The following NALF1 variants were observed in gnomAD, a reference collection of about 807,000 sequenced individuals.
NALF1 encodes family with sequence similarity 155 member A.
A neutral mutation model predicts 48.4 loss-of-function variants in NALF1; 3 were observed. The observed-to-expected ratio is 0.06, with a 90% CI of 0.03 to 0.16. The LOEUF is 0.16. NALF1 is among the 10% of genes least tolerant of loss of function. NALF1 has a pLI of 1.00. For synonymous variants in NALF1, 262 were observed against 245.7 expected (o/e 1.07, Z -0.62); for missense variants, 526 against 571.5 (o/e 0.92, Z 0.81).
intron 1 of NALF1, among the ~76,000 whole-genome samples, chr13:107,796,313 T>C (rs149298504): frequency 4.4e-4 from 67 of 152,338 alleles, no homozygotes; most frequent in African/African-American, 1.6e-3. Flanking sequence ...ATTTATCTTT[T>C]ATTTTTCTGG....
chr13:107,625,563 T>C (rs1331583971), intron 1 of NALF1, among the ~76,000 whole-genome samples: 1 of 152,106 alleles, frequency 6.6e-6, no homozygotes, highest in Non-Finnish European at 1.5e-5. Flanking sequence ...AAAATGTTTC[T>C]AGATCACAAT....
intron 1 of NALF1, among the ~76,000 whole-genome samples, chr13:107,655,079 G>A (rs1203861700): frequency 6.6e-6 from 1 of 152,010 alleles, no homozygotes; most frequent in African/African-American, 2.4e-5. Context: ...CTCCCCCTAA[G>A]AACTGGAACA....
At chr13:107,817,919 G>GA (rs1283855827) in intron 1 of NALF1, among the ~76,000 whole-genome samples, 1 of 152,106 alleles carries the variant, frequency 6.6e-6, no homozygotes, top group East Asian at 1.9e-4. Context: ...CCATCCACCT[G>GA]AAAAAGATTT....
chr13:107,662,116 T>A (rs1271616478), intron 1 of NALF1, among the ~76,000 whole-genome samples: 2 of 152,206 alleles, frequency 1.3e-5, no homozygotes, highest in Non-Finnish European at 2.9e-5. Flanking sequence ...CCTCTTGCCA[T>A]TTTTGGACAT....
At chr13:107,583,133 G>A (rs184337884) in intron 1 of NALF1, among the ~76,000 whole-genome samples, 95 of 152,162 alleles carry the variant, frequency 6.2e-4, no homozygotes, top group Admixed American at 6.2e-3. Context: ...CTCTTTTAGA[G>A]AGTCAGAAGG....
intron 1 of NALF1, among the ~76,000 whole-genome samples, chr13:107,712,105 CTTAA>C (rs1875611381): frequency 6.6e-6 from 1 of 151,972 alleles, no homozygotes; most frequent in Non-Finnish European, 1.5e-5. Flanking sequence ...AATTGTTAAC[CTTAA>C]TTAAGTAGTT....
At chr13:107,802,089 C>T (rs79157504) in intron 1 of NALF1, among the ~76,000 whole-genome samples, 2,330 of 152,248 alleles carry the variant, frequency 0.015, 29 homozygotes, top group Non-Finnish European at 0.024. Flanking sequence ...ATCCTATTAA[C>T]AAAAAGTTGC....
At chr13:107,727,510 A>C (rs902321864) in intron 1 of NALF1, among the ~76,000 whole-genome samples, 1 of 152,184 alleles carries the variant, frequency 6.6e-6, no homozygotes, top group Non-Finnish European at 1.5e-5. Flanking sequence ...CCTTGAGTCC[A>C]GCAGTGGGAC....
rs146556677 is a variant in NALF1 at position 107,506,670 on chromosome 13, C to T, written c.916-295915G>A. ...CTAGTGAATGACTTATTTCATTTTA[C>T]ATAATATTTTCAAGTTCATCCATAC... On this transcript the variant is annotated intron_variant, in intron 1 of 2. Coordinates refer to ENST00000375915, the MANE Select transcript of NALF1 (RefSeq NM_001080396.3). Among the ~76,000 whole-genome samples the T allele has an allele frequency of 4.6e-3, 700 of 152,174 alleles. 3 individuals are homozygous for T. The highest frequency in any genetic ancestry group is 0.015 in the African/African-American group (641 of 41,534).
intron 1 of NALF1, among the ~76,000 whole-genome samples, chr13:107,430,268 AT>A (rs202086025): frequency 0.042 from 6,195 of 148,176 alleles, 252 homozygotes; most frequent in Admixed American, 0.13. Flanking sequence ...GAGCTAAGAG[AT>A]TTTTTTTTTA....
At chr13:107,695,327 A>T (rs1041481719) in intron 1 of NALF1, among the ~76,000 whole-genome samples, 9 of 152,196 alleles carry the variant, frequency 5.9e-5, no homozygotes, top group Non-Finnish European at 1.3e-4. Flanking sequence ...AAGTAGAATA[A>T]TTTTTATAAC....
intron 1 of NALF1, among the ~76,000 whole-genome samples, chr13:107,556,732 C>A (rs1466752589): frequency 6.6e-6 from 1 of 152,018 alleles, no homozygotes; most frequent in African/African-American, 2.4e-5. Context: ...GTGATCCACC[C>A]GACTCAGCCT....
intron 1 of NALF1, among the ~76,000 whole-genome samples, chr13:107,834,837 G>A (rs963807290): frequency 6.6e-6 from 1 of 152,268 alleles, no homozygotes; most frequent in East Asian, 1.9e-4. Flanking sequence ...ATAATTTCCT[G>A]TGTAACAAAT....
Position 107,866,741 on chromosome 13 carries a change from C to T in NALF1, c.-145G>A, listed in dbSNP as rs1456989789. On this transcript the variant is annotated 5_prime_UTR_variant, in exon 1 of 3. Transcript: ENST00000375915. This position sits in a 1 kb window ranked among gnomAD's most constrained non-coding sequence, Gnocchi z 4.4. Reference sequence around the variant, plus strand: ...CTCCTCTCTCTCTTTCTCTCTCTTCCCCTCTCCCTCTCTCCTCTCTCTCTC... The same window carrying T: ...CTCCTCTCTCTCTTTCTCTCTCTTCTCCTCTCCCTCTCTCCTCTCTCTCTC... The T allele has an allele frequency of 4.7e-6, 3 of 637,082 alleles. No individual in the cohort carries two copies. 39.5% of individuals were successfully genotyped at this position (637,082 alleles called of 1,614,324 possible). A position where few individuals can be genotyped will look rare whatever the true frequency, so the allele number is the denominator to read the frequency against.
At chr13:107,530,250 C>G (rs1230616056) in intron 1 of NALF1, among the ~76,000 whole-genome samples, 2 of 152,134 alleles carry the variant, frequency 1.3e-5, no homozygotes, top group African/African-American at 4.8e-5. Context: ...AAACCTCCAT[C>G]CTAGCAAGAT....
intron 1 of NALF1, among the ~76,000 whole-genome samples, chr13:107,596,945 A>G (rs17433719): frequency 0.15 from 22,414 of 152,190 alleles, 1,959 homozygotes; most frequent in Middle Eastern, 0.27. Context: ...TAAGGAACTG[A>G]ACTTTTTGAA....
chr13:107,252,321 T>C (rs1880718649), intron 1 of NALF1, among the ~76,000 whole-genome samples: 1 of 151,456 alleles, frequency 6.6e-6, no homozygotes, highest in African/African-American at 2.4e-5. Flanking sequence ...GCTCACAACG[T>C]GGAGAGTTGC....
chr13:107,747,209 T>C (rs1876804874), intron 1 of NALF1, among the ~76,000 whole-genome samples: 1 of 152,200 alleles, frequency 6.6e-6, no homozygotes, highest in Non-Finnish European at 1.5e-5. Context: ...CCCTGTTTCC[T>C]TGCATTTCTT....
intron 1 of NALF1, among the ~76,000 whole-genome samples, chr13:107,594,737 T>C (rs983868398): frequency 2.6e-5 from 4 of 152,104 alleles, no homozygotes; most frequent in Non-Finnish European, 5.9e-5. Context: ...GACAATTTTC[T>C]TTATTAGTGA....
Sources: allele counts gnomAD v4.1 joint callset (sites outside exome capture counted in the v4.1 genomes callset), GRCh38; gene constraint gnomAD v4.1.1; non-coding constraint Gnocchi (gnomAD v3.1); transcripts MANE v1.5; gene names NCBI Gene and HGNC (gene_info 2026-07-23, HGNC 2026-07-21).